CFAP100: variants seen among roughly 807,000 people sequenced by gnomAD.
The protein encoded by CFAP100 is cilia- and flagella-associated protein 100.
A neutral mutation model predicts 81.5 loss-of-function variants in CFAP100; 70 were observed. The observed-to-expected ratio is 0.86, with a 90% confidence interval of 0.71 to 1.05. CFAP100 has a LOEUF of 1.05. CFAP100 is among the 50% of genes least tolerant of loss of function. The pLI, the probability that CFAP100 is intolerant of heterozygous loss-of-function variation, is 0.00. For synonymous variants in CFAP100, 341 were observed against 314.8 expected, an observed-to-expected ratio of 1.08 and a Z score of -0.88; for missense variants, 811 against 776.5, an observed-to-expected ratio of 1.04 and a Z score of -0.53.
At chr3:126,414,242 G>T in intron 4 of CFAP100, 63 bp downstream of exon 4, 1 of 1,189,820 alleles carries the variant, frequency 8.4e-7, no homozygotes, top group Non-Finnish European at 1.3e-6. Context: ...GCTTCCTGGA[G>T]TGGCCACATT....
intron 4 of CFAP100, 145 bp downstream of exon 4, chr3:126,414,324 A>C: frequency 1.3e-6 from 1 of 752,724 alleles, no homozygotes; most frequent in South Asian, 1.4e-5. Context: ...CACTTACTAT[A>C]AAATCAGCTG....
chr3:126,433,290 A>G, intron 14 of CFAP100, 86 bp downstream of exon 14: 1 of 1,517,886 alleles, frequency 6.6e-7, no homozygotes, highest in Non-Finnish European at 9.0e-7. Flanking sequence ...AGCCCTTGGG[A>G]AGATGGAGGA....
chr3:126,417,904 G>T (rs1369701281), intron 5 of CFAP100, among the ~76,000 whole-genome samples: 1 of 152,260 alleles, frequency 6.6e-6, no homozygotes. Flanking sequence ...AGGGAAAGGG[G>T]CCCCTATGGC....
At chr3:126,429,107 CAAAAAAAAAA>C (rs57773311) in intron 13 of CFAP100, among the ~76,000 whole-genome samples, 12 of 95,752 alleles carry the variant, frequency 1.3e-4, no homozygotes, top group African/African-American at 3.3e-4. Context: ...CGTCTCCATC[CAAAAAAAAAA>C]AAAAAAAAAA....
At chr3:126,414,820 A>T (rs935726685) in intron 4 of CFAP100, among the ~76,000 whole-genome samples, 3 of 152,166 alleles carry the variant, frequency 2.0e-5, no homozygotes, top group Admixed American at 6.5e-5. Flanking sequence ...CGTGCCAGGC[A>T]TGGCAGCCTT....
chr3:126,403,140 A>G (rs572758604), intron 2 of CFAP100, among the ~76,000 whole-genome samples: 1 of 152,092 alleles, frequency 6.6e-6, no homozygotes, highest in Admixed American at 6.5e-5. Flanking sequence ...TCCTGTGGGA[A>G]ACTCCCAGCC....
Position 126,436,487 on chromosome 3 carries a change from G to T in CFAP100, c.*83G>T. On this transcript the variant is annotated 3_prime_UTR_variant, in exon 17 of 17. Coordinates refer to ENST00000352312, the MANE Select transcript of CFAP100 (RefSeq NM_182628.3). ...GCAGAGACTGGGCTGGGTCTCGAGTGGCCCAACTGAGTCCTCTCTGTCTCC... is the reference window on the plus strand; with the variant it reads ...GCAGAGACTGGGCTGGGTCTCGAGTTGCCCAACTGAGTCCTCTCTGTCTCC... The T allele has an allele frequency of 1.0e-6, 1 of 975,646 alleles. No homozygotes were observed. The highest frequency in any genetic ancestry group is 1.6e-6 in the Non-Finnish European group (1 of 627,832). 60.4% of individuals were successfully genotyped at this position (975,646 alleles called of 1,614,324 possible). A position where few individuals can be genotyped will look rare whatever the true frequency, so the allele number is the denominator to read the frequency against.
Position 126,419,818 on chromosome 3 carries a change from G to A in CFAP100, c.913G>A (p.Gly305Arg). Residue 305 changes from glycine (G) to arginine (R), a missense_variant and splice_region_variant, in exon 9 of 17, where the codon GGA (glycine) becomes AGA (arginine). Coordinates refer to ENST00000352312, the MANE Select transcript of CFAP100 (RefSeq NM_182628.3). ...SSVNSTPGDKGPGIKGKASSM... is the reference protein window; with the variant it reads ...SSVNSTPGDKRPGIKGKASSM... ...TGTTAACTCCACACCAGGGGACAAA[G>A]GTAGCAGAAAAGAGAATGTGGGTTC... is the stretch of plus-strand genomic sequence containing the variant. 1 of 1,613,442 alleles carries A rather than the reference G, an allele frequency of 6.2e-7. No homozygotes were observed. The highest frequency in any genetic ancestry group is 1.1e-5 in the South Asian group (1 of 91,058).
rs984343868 is a variant in CFAP100 at position 126,419,635 on chromosome 3, A to G, written c.732-2A>G. On this transcript the variant is annotated splice_acceptor_variant, in intron 8 of 16. Coordinates refer to ENST00000352312, the MANE Select transcript of CFAP100 (RefSeq NM_182628.3). LOFTEE classifies it high-confidence loss of function. ...CCACATCCTCACCCCGCCCCGGTGT[A>G]GTGAGATCTCCAGATTTGAAGACAC... 1.2e-6 allele frequency: 2 copies of G among 1,613,250 alleles called. No homozygotes were observed. Among genetic ancestry groups the G allele is most frequent in the Non-Finnish European group, 1.7e-6 (2 of 1,179,666 alleles).
rs565391191 is a variant in CFAP100, at chr3:126,434,532, C to G, written c.1628+151C>G. ...ACAAAAGCCCATGTCTTGGGGGGAT[C>G]TAGAGGGGCATCACAGTCAAGTGGG... On this transcript the variant is annotated intron_variant, in intron 15 of 16. Coordinates refer to ENST00000352312, the MANE Select transcript of CFAP100 (RefSeq NM_182628.3). 8.0e-6 allele frequency: 6 copies of G among 746,216 alleles called. No homozygotes were observed. The Admixed American group carries it at 1.5e-4, about 19-fold the overall frequency. 46.2% of individuals were successfully genotyped at this position (746,216 alleles called of 1,614,324 possible). A position where few individuals can be genotyped will look rare whatever the true frequency, so the allele number is the denominator to read the frequency against.
chr3:126,423,454 T>TGTCCCTGTCCA (rs1291305855), intron 12 of CFAP100, 39 bp from the exon 13 acceptor site: 1 of 1,612,322 alleles, frequency 6.2e-7, no homozygotes, highest in Admixed American at 1.7e-5. Flanking sequence ...CCTCTGGCTC[T>TGTCCCTGTCCA]GTCCCTGTCC....
intron 3 of CFAP100, among the ~76,000 whole-genome samples, chr3:126,412,029 T>C (rs55954498): frequency 0.29 from 44,074 of 152,208 alleles, 7,180 homozygotes; most frequent in South Asian, 0.48. Context: ...GACTTTCTGA[T>C]GCAGGCATTT....
rs1424474181 is a variant in CFAP100, at chr3:126,395,788, G to A, written c.-59-154G>A. 3.3e-5 allele frequency among the ~76,000 whole-genome samples: 5 copies of A among 152,330 alleles called. No homozygotes were observed. The East Asian group carries it at 9.7e-4, about 29-fold the overall frequency. On this transcript the variant is annotated intron_variant, in intron 1 of 16. Transcript: ENST00000352312. The stretch of plus-strand genomic sequence containing the variant: ...TAGGCAGCTAGAGCCAAGTCCAGGA[G>A]GTGAGAGTGGACCCTCGGGTGGGAG...
intron 13 of CFAP100, among the ~76,000 whole-genome samples, chr3:126,427,808 G>A (rs1933019131): frequency 6.6e-6 from 1 of 152,208 alleles, no homozygotes; most frequent in Non-Finnish European, 1.5e-5. Flanking sequence ...ATATGATGAT[G>A]TACAGGAAGC....
chr3:126,431,163 G>C (rs929754298), intron 13 of CFAP100, among the ~76,000 whole-genome samples: 1 of 152,224 alleles, frequency 6.6e-6, no homozygotes. Flanking sequence ...TCCAAGGTGG[G>C]TGGGGCCTGC....
At chr3:126,398,547 G>A (rs535566342) in intron 2 of CFAP100, among the ~76,000 whole-genome samples, 5 of 152,276 alleles carry the variant, frequency 3.3e-5, no homozygotes, top group Non-Finnish European at 5.9e-5. Flanking sequence ...CACAATGGGA[G>A]CATTCAGGAA....
chr3:126,413,207 G>T (rs2083184158), intron 3 of CFAP100, among the ~76,000 whole-genome samples: 1 of 152,146 alleles, frequency 6.6e-6, no homozygotes, highest in African/African-American at 2.4e-5. Flanking sequence ...GTGTCCCAGT[G>T]TCTGCCACCC....
intron 11 of CFAP100, among the ~76,000 whole-genome samples, chr3:126,422,877 G>A (rs1374162577): frequency 6.6e-6 from 1 of 152,202 alleles, no homozygotes; most frequent in East Asian, 1.9e-4. Context: ...GCAGAGGCCT[G>A]GGGTAGGGCA....
rs758381169 is a variant in CFAP100 at position 126,418,240 on chromosome 3, C to T, written c.419-218C>T. On this transcript the variant is annotated intron_variant, in intron 5 of 16. Transcript: ENST00000352312. ...ACACAGTAAGGACTTCCCACGCGGCCGGACTCTGGCCATGGAGAATGTAAC... is the reference window on the plus strand; with the variant it reads ...ACACAGTAAGGACTTCCCACGCGGCTGGACTCTGGCCATGGAGAATGTAAC... 112 of 573,236 alleles carry T rather than the reference C, an allele frequency of 2.0e-4. 1 individual carries two copies. The highest frequency in any genetic ancestry group is 3.1e-4 in the Non-Finnish European group (98 of 320,544). 35.5% of individuals were successfully genotyped at this position (573,236 alleles called of 1,614,324 possible). A position where few individuals can be genotyped will look rare whatever the true frequency, so the allele number is the denominator to read the frequency against.
Sources: gnomAD v4.1 joint callset for allele counts (sites outside exome capture counted in the v4.1 genomes callset) on GRCh38, gnomAD v4.1.1 for gene constraint, MANE v1.5 for transcripts, NCBI Gene and HGNC (gene_info 2026-07-23, HGNC 2026-07-21) for gene names.